The following ARID1B variants were observed in gnomAD, a reference collection of about 807,000 sequenced individuals.
The protein encoded by ARID1B is AT-rich interactive domain-containing protein 1B.
A neutral mutation model predicts 212.3 loss-of-function variants in ARID1B; 30 were observed. The ratio of observed to expected loss-of-function variants is 0.14; its 90% CI spans 0.11 to 0.19. The LOEUF is 0.19. ARID1B is among the 10% of genes least tolerant of loss of function. ARID1B has a pLI of 1.00. For synonymous variants in ARID1B, 1,402 were observed against 1,301.7 expected (o/e 1.08, Z -1.66); for missense variants, 2,891 against 3,204.0 (o/e 0.90, Z 2.36).
At chr6:157,154,570 TTTTTTTTTTG>T (rs1250828950) in intron 8 of ARID1B, among the ~76,000 whole-genome samples, 24 of 146,568 alleles carry the variant, frequency 1.6e-4, no homozygotes, top group African/African-American at 6.1e-4. Context: ...GCTCTTCTGT[TTTTTTTTTTG>T]TTTTTTTTTT....
intron 1 of ARID1B, among the ~76,000 whole-genome samples, chr6:156,816,954 C>CT (rs766616530): frequency 2.0e-5 from 3 of 152,154 alleles, no homozygotes; most frequent in Non-Finnish European, 2.9e-5. Flanking sequence ...AGAAGTGTCT[C>CT]TAACAGTCCA....
chr6:156,997,428 A>G (rs1426340661), intron 4 of ARID1B, among the ~76,000 whole-genome samples: 11 of 152,210 alleles, frequency 7.2e-5, no homozygotes, highest in Non-Finnish European at 1.0e-4. Context: ...TATTGAAATA[A>G]CAATTCTTTA....
intron 1 of ARID1B, among the ~76,000 whole-genome samples, chr6:156,813,072 ACACACATACGTATG>A (rs1781706733): frequency 1.7e-4 from 16 of 95,038 alleles, no homozygotes; most frequent in African/African-American, 4.1e-4. Flanking sequence ...ATATATATAT[ACACACATACGTATG>A]TATATACATA....
At chr6:156,988,909 C>A (rs1270302929) in intron 4 of ARID1B, among the ~76,000 whole-genome samples, 1 of 152,198 alleles carries the variant, frequency 6.6e-6, no homozygotes, top group East Asian at 1.9e-4. Flanking sequence ...TGCGTTCTTA[C>A]AATCAGAGAA....
chr6:156,887,711 G>T (rs140504986), intron 2 of ARID1B, among the ~76,000 whole-genome samples: 2 of 152,040 alleles, frequency 1.3e-5, no homozygotes, highest in East Asian at 3.9e-4. Context: ...CTTTTGACTC[G>T]TGGTAACAAT....
chr6:157,123,548 G>A (rs1331581684), intron 6 of ARID1B, among the ~76,000 whole-genome samples: 7 of 152,320 alleles, frequency 4.6e-5, no homozygotes, highest in East Asian at 1.9e-4. Flanking sequence ...ACTCCCTAGG[G>A]GCAGCCTCGG....
chr6:156,808,365 A>C (rs1781328266), intron 1 of ARID1B, among the ~76,000 whole-genome samples: 1 of 152,206 alleles, frequency 6.6e-6, no homozygotes, highest in Non-Finnish European at 1.5e-5. Context: ...TAGGTATTCT[A>C]GTCAAATGTA....
chr6:157,018,212 C>T (rs1344415607), intron 4 of ARID1B, among the ~76,000 whole-genome samples: 61 of 72,438 alleles, frequency 8.4e-4, no homozygotes, highest in African/African-American at 1.9e-3. Flanking sequence ...AAGTAGTATG[C>T]TTTTTTTTTT....
chr6:157,079,816 C>T (rs1176880620), intron 4 of ARID1B, among the ~76,000 whole-genome samples: 1 of 152,082 alleles, frequency 6.6e-6, no homozygotes, highest in East Asian at 1.9e-4. Flanking sequence ...CACAAGAAGT[C>T]ACTACCCTTA....
intron 4 of ARID1B, among the ~76,000 whole-genome samples, chr6:157,043,998 T>C (rs1782057235): frequency 6.6e-6 from 1 of 152,198 alleles, no homozygotes; most frequent in African/African-American, 2.4e-5. Flanking sequence ...AGGGATGCAG[T>C]GGTAAGAATA....
intron 4 of ARID1B, among the ~76,000 whole-genome samples, chr6:157,039,298 T>C (rs1781540442): frequency 6.6e-6 from 1 of 151,186 alleles, no homozygotes; most frequent in Non-Finnish European, 1.5e-5. Context: ...ATACATATAA[T>C]TAAAAATGGG....
rs1160190476 is a variant in ARID1B, at chr6:157,200,736, G to T, written c.4511G>T (p.Gly1504Val). The T allele has an allele frequency of 1.7e-5, 27 of 1,612,880 alleles. No individual in the cohort carries two copies. Among genetic ancestry groups the T allele is most frequent in the Non-Finnish European group, 1.9e-5 (23 of 1,179,616 alleles). Reference sequence around the variant, plus strand: ...AAACGCCATATGGACGGCATGTACGGGCCCCCAGCCAAGCGCCACGAGGGC... The same window carrying T: ...AAACGCCATATGGACGGCATGTACGTGCCCCCAGCCAAGCGCCACGAGGGC... ...NYKRHMDGMY[G>V]PPAKRHEGDM... Residue 1504 changes from glycine to valine, a missense_variant, in exon 18 of 20, where the codon GGG becomes GTG. Gly to Val is a moderately radical substitution (Grantham distance 109, BLOSUM62 -3). This residue lies in a region of ARID1B where 666 missense variants were observed against 873.5 expected (regional missense o/e 0.76). Transcript: ENST00000636930. The surrounding 1 kb of genome is among the most constrained non-coding windows in gnomAD (Gnocchi z 4.3).
intron 4 of ARID1B, among the ~76,000 whole-genome samples, chr6:157,062,706 A>T (rs9480423): frequency 0.079 from 10,711 of 135,846 alleles, 503 homozygotes; most frequent in Non-Finnish European, 0.1. Context: ...ATATATATAT[A>T]TTTTTTTTTT....
chr6:156,807,859 A>G (rs968742013), intron 1 of ARID1B, among the ~76,000 whole-genome samples: 5 of 152,206 alleles, frequency 3.3e-5, no homozygotes, highest in Middle Eastern at 3.2e-3. Context: ...GGACTGTGGA[A>G]TCATTTTAGA....
At chr6:156,918,803 C>T (rs1351163734) in intron 3 of ARID1B, among the ~76,000 whole-genome samples, 1 of 152,126 alleles carries the variant, frequency 6.6e-6, no homozygotes, top group Non-Finnish European at 1.5e-5. Flanking sequence ...GCAGGAGCCA[C>T]CAGCCTGCCT....
chr6:157,065,199 A>C (rs1407833957), intron 4 of ARID1B, among the ~76,000 whole-genome samples: 1 of 152,250 alleles, frequency 6.6e-6, no homozygotes, highest in Non-Finnish European at 1.5e-5. Flanking sequence ...AAAGAAGTTC[A>C]AAGTAATGAA....
chr6:156,861,735 C>T (rs760816991), intron 2 of ARID1B, among the ~76,000 whole-genome samples: 3 of 152,182 alleles, frequency 2.0e-5, no homozygotes, highest in Non-Finnish European at 2.9e-5. Flanking sequence ...AATGGGAGCC[C>T]TTTCTCTTTG....
At chr6:157,055,356 T>G (rs565595413) in intron 4 of ARID1B, among the ~76,000 whole-genome samples, 3 of 152,360 alleles carry the variant, frequency 2.0e-5, no homozygotes, top group Middle Eastern at 3.4e-3. Context: ...GTTTCTGTCT[T>G]TGTCGTTTAA....
chr6:156,909,162 G>A (rs1789662505), intron 3 of ARID1B, among the ~76,000 whole-genome samples: 1 of 117,374 alleles, frequency 8.5e-6, no homozygotes, highest in Non-Finnish European at 1.6e-5. Flanking sequence ...GCCTCGCTCT[G>A]TCGCCCAGGC....
Sources: allele counts gnomAD v4.1 joint callset (sites outside exome capture counted in the v4.1 genomes callset), GRCh38; gene constraint gnomAD v4.1.1; regional missense constraint gnomAD v4.1.1; non-coding constraint Gnocchi (gnomAD v3.1); transcripts MANE v1.5; gene names NCBI Gene and HGNC (gene_info 2026-07-23, HGNC 2026-07-21).